The following HIVEP3 variants were observed in gnomAD, a reference collection of about 807,000 sequenced individuals.
The protein encoded by HIVEP3 is HIVEP zinc finger 3.
HIVEP3 carries 49 observed loss-of-function variants against 152.8 expected under a neutral mutation model. That is an observed-to-expected ratio of 0.32 (90% CI 0.26 to 0.41). The LOEUF (loss-of-function observed/expected upper bound fraction) is 0.41, where lower values mean the gene tolerates loss of function less well. Ranked by LOEUF, HIVEP3 falls within the 10% of genes least tolerant of loss-of-function variation. The pLI is 1.00. For synonymous variants in HIVEP3, 1,269 were observed against 1,289.0 expected (o/e 0.98, Z 0.33); for missense variants, 2,790 against 3,103.3 (o/e 0.90, Z 2.40).
intron 1 of HIVEP3, among the ~76,000 whole-genome samples, chr1:41,714,780 T>C (rs1410356714): frequency 6.6e-6 from 1 of 152,194 alleles, no homozygotes; most frequent in Non-Finnish European, 1.5e-5. Context: ...TTTAAAAGCA[T>C]TGTTCAGTTG....
At chr1:41,570,000 A>C (rs187331034) in intron 5 of HIVEP3, among the ~76,000 whole-genome samples, 10 of 152,370 alleles carry the variant, frequency 6.6e-5, no homozygotes, top group Non-Finnish European at 1.5e-5. Context: ...GGGTGGGTTC[A>C]CTGATGTGCA....
intron 3 of HIVEP3, among the ~76,000 whole-genome samples, chr1:41,593,897 C>T (rs1366561575): frequency 2.0e-5 from 3 of 152,182 alleles, no homozygotes; most frequent in African/African-American, 7.2e-5. Flanking sequence ...CTTTCCTTGC[C>T]TTTCCCAACT....
At chr1:41,527,872 C>T (rs1643051531) in intron 5 of HIVEP3, among the ~76,000 whole-genome samples, 1 of 147,626 alleles carries the variant, frequency 6.8e-6, no homozygotes, top group African/African-American at 2.5e-5. Flanking sequence ...CCCCTGTCGT[C>T]ACACATTCAC....
chr1:41,682,766 C>A (rs190256481), intron 2 of HIVEP3, among the ~76,000 whole-genome samples: 1 of 152,270 alleles, frequency 6.6e-6, no homozygotes, highest in East Asian at 1.9e-4. Context: ...GAAGCTCACT[C>A]AGGGCTGTGC....
intron 1 of HIVEP3, among the ~76,000 whole-genome samples, chr1:41,725,970 T>G (rs753953902): frequency 6.6e-6 from 1 of 152,204 alleles, no homozygotes; most frequent in Non-Finnish European, 1.5e-5. Flanking sequence ...TAACCTGTAG[T>G]ATGAATGATA....
chr1:41,597,939 G>A (rs1644690323), intron 3 of HIVEP3, among the ~76,000 whole-genome samples: 1 of 152,172 alleles, frequency 6.6e-6, no homozygotes, highest in African/African-American at 2.4e-5. Context: ...GTTATCTAAT[G>A]TAATGTACAT....
chr1:41,527,402 CT>C (rs1643019112), intron 5 of HIVEP3, among the ~76,000 whole-genome samples: 1 of 146,344 alleles, frequency 6.8e-6, no homozygotes, highest in African/African-American at 2.5e-5. Flanking sequence ...ACTCCACACC[CT>C]GCCCTCACAC....
intron 1 of HIVEP3, among the ~76,000 whole-genome samples, chr1:41,719,350 G>T (rs1178096297): frequency 6.6e-6 from 1 of 152,238 alleles, no homozygotes; most frequent in Non-Finnish European, 1.5e-5. Context: ...AGACTGGGAG[G>T]TGGAGCAAGA....
chr1:42,020,476 T>C (rs1570896325), intron 1 of HIVEP3, among the ~76,000 whole-genome samples: 1 of 102,964 alleles, frequency 9.7e-6, no homozygotes, highest in Non-Finnish European at 2.1e-5. Context: ...TTCATCTAAA[T>C]TGTCAAGTAT....
intron 1 of HIVEP3, among the ~76,000 whole-genome samples, chr1:41,757,281 A>G (rs1360006361): frequency 6.6e-6 from 1 of 151,410 alleles, no homozygotes; most frequent in Non-Finnish European, 1.5e-5. Context: ...ATGCCCGGCT[A>G]ATTTTTTTTG....
Position 41,510,373 on chromosome 1 carries a change from G to C in HIVEP3, c.*78C>G. ...GAGGGACAGATGGGGCTGAGGAAGT[G>C]GGATGATTCGAGGAAAGTGGCTGGA... is the stretch of plus-strand genomic sequence containing the variant. On this transcript the variant is annotated 3_prime_UTR_variant, in exon 9 of 9. Transcript: ENST00000372583. 7.9e-7 allele frequency: 1 copy of C among 1,268,876 alleles called. No individual in the cohort carries two copies. Among genetic ancestry groups the C allele is most frequent in the Non-Finnish European group, 1.0e-6 (1 of 961,376 alleles). The allele number at this position is 1,268,876 out of a possible 1,614,324, so 78.6% of individuals were successfully genotyped here.
chr1:41,768,348 C>A (rs1648138967), intron 1 of HIVEP3, among the ~76,000 whole-genome samples: 1 of 152,138 alleles, frequency 6.6e-6, no homozygotes, highest in South Asian at 2.1e-4. Flanking sequence ...GCAAGAAGAG[C>A]AGGAGAAAGA....
intron 1 of HIVEP3, among the ~76,000 whole-genome samples, chr1:41,868,459 C>T (rs1194534488): frequency 6.6e-6 from 1 of 152,164 alleles, no homozygotes; most frequent in East Asian, 1.9e-4. Context: ...TCCTCCCCCG[C>T]CTTAGTAGCC....
At chr1:41,613,267 C>A (rs1217625780) in intron 3 of HIVEP3, among the ~76,000 whole-genome samples, 1 of 152,272 alleles carries the variant, frequency 6.6e-6, no homozygotes, top group East Asian at 1.9e-4. Flanking sequence ...CCAGCCCAGG[C>A]CACTCACAGC....
chr1:41,544,791 G>A (rs1312470505), intron 5 of HIVEP3, among the ~76,000 whole-genome samples: 15 of 63,626 alleles, frequency 2.4e-4, no homozygotes, highest in African/African-American at 9.8e-4. Flanking sequence ...TACCTCCACT[G>A]CTACCATCAC....
chr1:41,545,510 C>T (rs973406220), intron 5 of HIVEP3, among the ~76,000 whole-genome samples: 11 of 135,280 alleles, frequency 8.1e-5, no homozygotes, highest in African/African-American at 2.0e-4. Flanking sequence ...CTACCACCAT[C>T]GCTACCATCA....
intron 1 of HIVEP3, among the ~76,000 whole-genome samples, chr1:41,827,801 C>T (rs1036457618): frequency 6.6e-6 from 1 of 151,892 alleles, no homozygotes; most frequent in Non-Finnish European, 1.5e-5. Context: ...ATTCACTGGG[C>T]AATTTCATCA....
intron 2 of HIVEP3, among the ~76,000 whole-genome samples, chr1:41,679,942 C>T (rs1646013196): frequency 1.3e-5 from 2 of 152,330 alleles, no homozygotes; most frequent in Non-Finnish European, 1.5e-5. Context: ...AACTTCAGGT[C>T]CACTTTGCTA....
intron 1 of HIVEP3, among the ~76,000 whole-genome samples, chr1:41,967,201 T>G (rs557299583): frequency 1.4e-4 from 22 of 152,284 alleles, no homozygotes; most frequent in African/African-American, 4.3e-4. Context: ...GTGGACCTGA[T>G]AGATATCTTC....
Sources: gnomAD v4.1 joint callset for allele counts (sites outside exome capture counted in the v4.1 genomes callset) on GRCh38, gnomAD v4.1.1 for gene constraint, MANE v1.5 for transcripts, NCBI Gene and HGNC (gene_info 2026-07-23, HGNC 2026-07-21) for gene names.